The following CPNE4 variants were observed in gnomAD, a reference collection of about 807,000 sequenced individuals.
The protein encoded by CPNE4 is copine-4.
Under a neutral mutation model 67.9 loss-of-function variants are expected in CPNE4, and 25 were observed. The observed-to-expected ratio is 0.37, with a 90% confidence interval of 0.27 to 0.51. CPNE4 has a LOEUF of 0.51. CPNE4 is among the 20% of genes least tolerant of loss of function. The pLI, the probability that CPNE4 is intolerant of heterozygous loss-of-function variation, is 0.93. For synonymous variants in CPNE4, 242 were observed against 244.9 expected, an observed-to-expected ratio of 0.99 and a Z score of 0.11; for missense variants, 464 against 690.8, an observed-to-expected ratio of 0.67 and a Z score of 3.68.
At chr3:131,830,556 G>A (rs997317261) in intron 2 of CPNE4, among the ~76,000 whole-genome samples, 3 of 151,986 alleles carry the variant, frequency 2.0e-5, no homozygotes, top group East Asian at 1.9e-4. Context: ...TCTTACTGGC[G>A]AGAGACTCTT....
chr3:131,552,032 C>A (rs1246857054), intron 13 of CPNE4, among the ~76,000 whole-genome samples: 6 of 149,926 alleles, frequency 4.0e-5, no homozygotes, highest in Non-Finnish European at 8.9e-5. Context: ...ATGTTCCCCC[C>A]TCTCCTTATA....
At chr3:131,977,049 C>T (rs890628717) in intron 1 of CPNE4, among the ~76,000 whole-genome samples, 2 of 152,286 alleles carry the variant, frequency 1.3e-5, no homozygotes, top group Admixed American at 1.3e-4. Context: ...ATCTGCCCGC[C>T]TCAGCCTCCC....
chr3:131,792,669 ATACATATATACACACG>A lies in CPNE4; in HGVS notation c.181-69060_181-69045del, dbSNP rs1560322240. On this transcript the variant is annotated intron_variant, in intron 2 of 15. Transcript: ENST00000429747. ...TATGTATATATACACACGTGTATAT[ATACATATATACACACG>A]TGTATATATACATATACACACACGT... 2.1e-3 allele frequency among the ~76,000 whole-genome samples: 140 copies of A among 67,862 alleles called. 1 individual carries two copies. Among genetic ancestry groups the A allele is most frequent in the East Asian group, 3.8e-3 (9 of 2,352 alleles). The allele number at this position is 67,862 out of a possible 152,430, so 44.5% of individuals were successfully genotyped here. A position where few individuals can be genotyped will look rare whatever the true frequency, so the allele number is the denominator to read the frequency against.
At chr3:131,782,668 T>C (rs1467227163) in intron 2 of CPNE4, among the ~76,000 whole-genome samples, 1 of 152,116 alleles carries the variant, frequency 6.6e-6, no homozygotes, top group African/African-American at 2.4e-5. Context: ...GAGATTTAGG[T>C]TTCCTTCATA....
chr3:131,599,877 G>A (rs1178297695), intron 7 of CPNE4, among the ~76,000 whole-genome samples: 2 of 152,198 alleles, frequency 1.3e-5, no homozygotes, highest in Non-Finnish European at 2.9e-5. Flanking sequence ...TCAGTTCTAG[G>A]GAGGTGGCTA....
chr3:131,929,196 CAAAAAAAAAAAAAAAAAA>C (rs57462900), intron 1 of CPNE4, among the ~76,000 whole-genome samples: 1 of 98,842 alleles, frequency 1.0e-5, no homozygotes, highest in Non-Finnish European at 2.0e-5. Context: ...TTGTCCTCAC[CAAAAAAAAAAAAAAAAAA>C]AAAAGATTTT....
At position 131,784,475 on chromosome 3, in the gene CPNE4, C is replaced by T. The variant is rs189536174; in HGVS notation, c.181-60850G>A. 2.6e-4 allele frequency among the ~76,000 whole-genome samples: 40 copies of T among 152,234 alleles called. No individual in the cohort carries two copies. In the East Asian group the frequency reaches 7.2e-3, roughly 27 times the overall value. ...TTCTCAGCCTCTGAATTTTCTCTGACACTATGAGAATTCATGTAGGAGGCA... is the reference window on the plus strand; with the variant it reads ...TTCTCAGCCTCTGAATTTTCTCTGATACTATGAGAATTCATGTAGGAGGCA... On this transcript the variant is annotated intron_variant, in intron 2 of 15. Transcript: ENST00000429747.
At chr3:131,819,518 A>ACC (rs1304599828) in intron 2 of CPNE4, among the ~76,000 whole-genome samples, 3 of 151,684 alleles carry the variant, frequency 2.0e-5, no homozygotes, top group African/African-American at 7.3e-5. Flanking sequence ...ACACACACAC[A>ACC]CACACGCACA....
chr3:131,537,997 C>T (rs1228298750), intron 15 of CPNE4, among the ~76,000 whole-genome samples: 2 of 152,086 alleles, frequency 1.3e-5, no homozygotes, highest in Non-Finnish European at 2.9e-5. Context: ...TGGCCTCTAC[C>T]CACTAGATAT....
At chr3:131,696,480 C>T in intron 5 of CPNE4, 62 bp downstream of exon 5, 1 of 1,471,468 alleles carries the variant, frequency 6.8e-7, no homozygotes, top group Non-Finnish European at 9.5e-7. Flanking sequence ...AGGGGGAAAT[C>T]TGATTAAACT....
Position 131,737,064 on chromosome 3 carries a change from C to T in CPNE4, c.181-13439G>A, listed in dbSNP as rs147382092. 8.2e-3 allele frequency among the ~76,000 whole-genome samples: 1,216 copies of T among 148,908 alleles called. 16 individuals are homozygous for T. The highest frequency in any genetic ancestry group is 0.028 in the African/African-American group (1,144 of 40,482). ...TCTCCTTTCCATTCTAAAATTTCTG[C>T]TTCCCCTGTCTTTAAGTACATTCAG... On this transcript the variant is annotated intron_variant, in intron 2 of 15. Coordinates refer to ENST00000429747, the MANE Select transcript of CPNE4 (RefSeq NM_130808.3).
intron 3 of CPNE4, among the ~76,000 whole-genome samples, chr3:131,704,814 A>T (rs1252757337): frequency 1.3e-5 from 2 of 152,236 alleles, no homozygotes; most frequent in Non-Finnish European, 2.9e-5. Context: ...AGAGAAATTA[A>T]GGAGTTCATC....
At chr3:131,581,755 C>A (rs1399432279) in intron 8 of CPNE4, 90 bp from the exon 9 acceptor site, 7 of 878,312 alleles carry the variant, frequency 8.0e-6, no homozygotes, top group African/African-American at 1.6e-5. Context: ...TGAGGACAAA[C>A]TGAACTGGAG....
rs372006793 is a variant in CPNE4 at position 131,624,398 on chromosome 3, T to G, written c.682-36816A>C. 1.7e-3 allele frequency among the ~76,000 whole-genome samples: 254 copies of G among 152,248 alleles called. 1 individual carries two copies. The highest frequency in any genetic ancestry group is 5.0e-3 in the African/African-American group (208 of 41,554). ...ACCAGAAATTGCCAGGGTCATACCT[T>G]GGGGAGAAGTAACTTGTCCTTGCAC... On this transcript the variant is annotated intron_variant, in intron 7 of 15. Coordinates refer to ENST00000429747, the MANE Select transcript of CPNE4 (RefSeq NM_130808.3).
intron 5 of CPNE4, among the ~76,000 whole-genome samples, chr3:131,692,604 C>T (rs994762116): frequency 6.6e-6 from 1 of 152,160 alleles, no homozygotes; most frequent in African/African-American, 2.4e-5. Context: ...TTGTCTATGG[C>T]TGTTTTCATG....
intron 1 of CPNE4, among the ~76,000 whole-genome samples, chr3:131,974,913 G>T (rs566701194): frequency 2.0e-5 from 3 of 152,030 alleles, no homozygotes; most frequent in Non-Finnish European, 4.4e-5. Context: ...GAGGCTGAGG[G>T]GGGAGGATGG....
intron 1 of CPNE4, among the ~76,000 whole-genome samples, chr3:132,008,671 C>T (rs1426790804): frequency 6.6e-6 from 1 of 152,090 alleles, no homozygotes; most frequent in Non-Finnish European, 1.5e-5. Flanking sequence ...CAGATATGCC[C>T]ATAAATTCTT....
At position 131,923,704 on chromosome 3, in the gene CPNE4, CAA is replaced by C. The variant is rs3041574; in HGVS notation, c.-1-18262_-1-18261del. Among the ~76,000 whole-genome samples, 146 of 39,272 alleles carry C rather than the reference CAA, an allele frequency of 3.7e-3. 1 individual carries two copies. The highest frequency in any genetic ancestry group is 4.3e-3 in the Non-Finnish European group (107 of 24,678). 25.8% of individuals were successfully genotyped at this position (39,272 alleles called of 152,430 possible). A position where few individuals can be genotyped will look rare whatever the true frequency, so the allele number is the denominator to read the frequency against. ...TGGGTGACAGAGCTAGACTCCGTCT[CAA>C]AAAAAAAAAAAAAAAAAAAAAAATT... On this transcript the variant is annotated intron_variant, in intron 1 of 15. Coordinates refer to ENST00000429747, the MANE Select transcript of CPNE4 (RefSeq NM_130808.3).
intron 2 of CPNE4, among the ~76,000 whole-genome samples, chr3:131,850,270 C>T (rs2086186233): frequency 6.6e-6 from 1 of 152,020 alleles, no homozygotes; most frequent in Non-Finnish European, 1.5e-5. Flanking sequence ...ATGACATCTC[C>T]AGAAAAAGTG....
Sources: allele counts gnomAD v4.1 joint callset (sites outside exome capture counted in the v4.1 genomes callset), GRCh38; gene constraint gnomAD v4.1.1; transcripts MANE v1.5; gene names NCBI Gene and HGNC (gene_info 2026-07-23, HGNC 2026-07-21).